WDR7: variants seen among roughly 807,000 people sequenced by gnomAD.
WDR7 encodes WD repeat-containing protein 7.
Under a neutral mutation model 169.4 loss-of-function variants are expected in WDR7, and 46 were observed. That is an observed-to-expected ratio of 0.27 (90% CI 0.21 to 0.35). The LOEUF is 0.35. WDR7 is among the 10% of genes least tolerant of loss of function. The probability of loss-of-function intolerance (pLI) is 1.00; values close to 1 mark genes in which losing one functional copy is unlikely to be tolerated. For missense variants in WDR7, 1,534 were observed against 1,859.3 expected (o/e 0.83, Z 3.22); for synonymous variants, 612 against 666.8 (o/e 0.92, Z 1.27).
chr18:56,720,281 T>C (rs1239585079), intron 13 of WDR7, among the ~76,000 whole-genome samples: 1 of 150,910 alleles, frequency 6.6e-6, no homozygotes, highest in African/African-American at 2.5e-5. Context: ...ACTCTGTCTC[T>C]ACAAAAAAAA....
chr18:56,928,231 A>C (rs905528161), intron 22 of WDR7, among the ~76,000 whole-genome samples: 1 of 152,120 alleles, frequency 6.6e-6, no homozygotes, highest in Admixed American at 6.5e-5. Flanking sequence ...TGGGAGGCCG[A>C]GGTGGGAGGA....
intron 19 of WDR7, among the ~76,000 whole-genome samples, chr18:56,789,380 T>C (rs1368116678): frequency 6.6e-6 from 1 of 152,244 alleles, no homozygotes; most frequent in Non-Finnish European, 1.5e-5. Context: ...TAATTCTGTA[T>C]GTTAGGAGCT....
intron 2 of WDR7, among the ~76,000 whole-genome samples, chr18:56,673,178 C>T (rs1243739309): frequency 6.6e-6 from 1 of 151,682 alleles, no homozygotes; most frequent in East Asian, 1.9e-4. Context: ...CACACACACA[C>T]ACACACACGT....
intron 19 of WDR7, among the ~76,000 whole-genome samples, chr18:56,794,197 C>G (rs943985179): frequency 1.3e-4 from 19 of 150,024 alleles, no homozygotes; most frequent in African/African-American, 4.4e-4. Flanking sequence ...CCTGGGTAAT[C>G]TTATTTTCTT....
chr18:56,681,483 A>G, intron 4 of WDR7, 92 bp downstream of exon 4: 5 of 805,600 alleles, frequency 6.2e-6, no homozygotes, highest in Non-Finnish European at 9.0e-6. Context: ...TTTTTATATG[A>G]AAAATGGTGG....
intron 25 of WDR7, among the ~76,000 whole-genome samples, chr18:56,954,128 A>C (rs181987337): frequency 1.3e-5 from 2 of 152,322 alleles, no homozygotes; most frequent in Admixed American, 1.3e-4. Context: ...TTTACTTAAG[A>C]TGTTACTTCT....
intron 19 of WDR7, among the ~76,000 whole-genome samples, chr18:56,801,372 G>C (rs2044670126): frequency 6.6e-6 from 1 of 151,970 alleles, no homozygotes; most frequent in Admixed American, 6.5e-5. Flanking sequence ...CCTTCAGTGA[G>C]GTTATGTCCT....
chr18:56,790,102 T>A (rs1201805700), intron 19 of WDR7, among the ~76,000 whole-genome samples: 1 of 152,222 alleles, frequency 6.6e-6, no homozygotes, highest in Admixed American at 6.5e-5. Context: ...AATAAAGTAC[T>A]TTACAAAACA....
At chr18:56,707,586 G>A (rs1428193086) in intron 12 of WDR7, among the ~76,000 whole-genome samples, 1 of 152,068 alleles carries the variant, frequency 6.6e-6, no homozygotes, top group African/African-American at 2.4e-5. Context: ...AACTGTCTGA[G>A]AAGCCCAAAC....
chr18:56,810,463 T>C (rs2044849212), intron 19 of WDR7, among the ~76,000 whole-genome samples: 1 of 152,136 alleles, frequency 6.6e-6, no homozygotes, highest in African/African-American at 2.4e-5. Flanking sequence ...AGTAAACAAG[T>C]CAATCACTTC....
In WDR7 at chr18:56,800,424, G is replaced by C. The variant is rs554541958; in HGVS notation, c.3191-15607G>C. Among the ~76,000 whole-genome samples, 7 of 152,066 alleles carry C rather than the reference G, an allele frequency of 4.6e-5. No individual in the cohort carries two copies. In the East Asian group the frequency reaches 1.2e-3, roughly 25 times the overall value. On this transcript the variant is annotated intron_variant, in intron 19 of 27. Coordinates refer to ENST00000254442, the MANE Select transcript of WDR7 (RefSeq NM_015285.3). ...TATATTTCATGCATGTGCTTACTTA[G>C]TTTTCTCTGAAGCTTGCCATTTTAC...
In WDR7 at chr18:56,988,590, AGTGTGTGTGTGTGTGTGTGTGTGT is replaced by A. The variant is rs71171009; in HGVS notation, c.4164+26084_4164+26107del. 5.6e-5 allele frequency among the ~76,000 whole-genome samples: 8 copies of A among 142,686 alleles called. No individual in the cohort carries two copies. The South Asian group carries it at 1.4e-3, about 25-fold the overall frequency. The allele number at this position is 142,686 out of a possible 152,430, so 93.6% of individuals were successfully genotyped here. A position where few individuals can be genotyped will look rare whatever the true frequency, so the allele number is the denominator to read the frequency against. On this transcript the variant is annotated intron_variant, in intron 26 of 27. Transcript: ENST00000254442. ...CAGAAGAAAGACCTCATGGAAGGCA[AGTGTGTGTGTGTGTGTGTGTGTGT>A]GTGTGTGTGTGTGTGTGTGTGTATA... is the stretch of plus-strand genomic sequence containing the variant.
intron 20 of WDR7, among the ~76,000 whole-genome samples, chr18:56,831,795 C>G (rs977081101): frequency 3.9e-5 from 6 of 152,204 alleles, no homozygotes; most frequent in Admixed American, 1.3e-4. Context: ...AGGGACAGTG[C>G]TGTCCAACCC....
chr18:56,669,154 C>G (rs2025081225), intron 1 of WDR7, among the ~76,000 whole-genome samples: 2 of 152,040 alleles, frequency 1.3e-5, no homozygotes, highest in East Asian at 3.9e-4. Context: ...TTTTGTTGCT[C>G]TTGTTGACTG....
chr18:57,013,141 A>G lies in WDR7; in HGVS notation c.4165-7604A>G, dbSNP rs1395162127. On this transcript the variant is annotated intron_variant, in intron 26 of 27. Transcript: ENST00000254442. ...ACTGTTCCTCCTCAGATCATCAGGC[A>G]TTAGTTAGATTCTCATAAGGAGGGC... 2.6e-5 allele frequency among the ~76,000 whole-genome samples: 4 copies of G among 152,164 alleles called. No homozygotes were observed. In the South Asian group the frequency reaches 6.2e-4, roughly 24 times the overall value.
chr18:56,778,020 A>G (rs937459419), intron 17 of WDR7, among the ~76,000 whole-genome samples: 2 of 152,230 alleles, frequency 1.3e-5, no homozygotes, highest in Non-Finnish European at 2.9e-5. Flanking sequence ...CTTTATACTT[A>G]TATGAAACAT....
At chr18:56,922,707 A>G (rs1347355308) in intron 21 of WDR7, among the ~76,000 whole-genome samples, 4 of 152,156 alleles carry the variant, frequency 2.6e-5, no homozygotes, top group Admixed American at 2.6e-4. Flanking sequence ...AAAGGGTTCC[A>G]TGACTGAGAA....
intron 25 of WDR7, among the ~76,000 whole-genome samples, chr18:56,946,515 T>C (rs970082474): frequency 1.3e-5 from 2 of 152,244 alleles, no homozygotes; most frequent in African/African-American, 4.8e-5. Flanking sequence ...AAATTTGCCT[T>C]GGGCATTAAG....
At chr18:56,844,937 A>T (rs1436860893) in intron 20 of WDR7, among the ~76,000 whole-genome samples, 1 of 152,176 alleles carries the variant, frequency 6.6e-6, no homozygotes, top group Non-Finnish European at 1.5e-5. Flanking sequence ...TTATAATTGT[A>T]GTATTTTATC....
Sources: gnomAD v4.1 joint callset for allele counts (sites outside exome capture counted in the v4.1 genomes callset) on GRCh38, gnomAD v4.1.1 for gene constraint, MANE v1.5 for transcripts, NCBI Gene and HGNC (gene_info 2026-07-23, HGNC 2026-07-21) for gene names.